The following SIRPD variants were observed in gnomAD, a reference collection of about 807,000 sequenced individuals.
The protein encoded by SIRPD is signal-regulatory protein delta.
Under a neutral mutation model 18.0 loss-of-function variants are expected in SIRPD, and 21 were observed. The ratio of observed to expected loss-of-function variants is 1.17; its 90% CI spans 0.83 to 1.68. SIRPD has a LOEUF of 1.68. Among genes scored for constraint, SIRPD ranks in the 40% most tolerant of loss-of-function variants. The pLI is 0.00. For synonymous variants in SIRPD, 106 were observed against 92.9 expected (o/e 1.14, Z -0.81); for missense variants, 295 against 238.4 (o/e 1.24, Z -1.56).
At chr20:1,547,488 C>G (rs374886833) in intron 2 of SIRPD, among the ~76,000 whole-genome samples, 1 of 152,182 alleles carries the variant, frequency 6.6e-6, no homozygotes, top group African/African-American at 2.4e-5. Flanking sequence ...AACTCCTGTC[C>G]TCAAGCGATC....
At position 1,534,418 on chromosome 20, in the gene SIRPD, G is replaced by A. The variant is rs748580957; in HGVS notation, c.*7C>T. On this transcript the variant is annotated 3_prime_UTR_variant, in exon 4 of 4. Coordinates refer to ENST00000381623, the MANE Select transcript of SIRPD (RefSeq NM_178460.3). ...TTATTTACTTGTACGTTCCTTCCCT[G>A]TTTGGATTATTTTGACAGCAAGCCT... 9 of 1,612,354 alleles carry A rather than the reference G, an allele frequency of 5.6e-6. No individual in the cohort carries two copies. Among genetic ancestry groups the A allele is most frequent in the South Asian group, 1.1e-5 (1 of 90,810 alleles).
intron 2 of SIRPD, among the ~76,000 whole-genome samples, chr20:1,551,043 AC>A (rs921919780): frequency 6.6e-4 from 100 of 152,298 alleles, no homozygotes; most frequent in African/African-American, 2.3e-3. Flanking sequence ...GGGATGTGCG[AC>A]TTTTATCATT....
chr20:1,550,403 T>A (rs1338047582), intron 2 of SIRPD, among the ~76,000 whole-genome samples: 1 of 152,150 alleles, frequency 6.6e-6, no homozygotes, highest in Admixed American at 6.5e-5. Context: ...GGTTGTAAGA[T>A]GGGGGAATGA....
intron 2 of SIRPD, among the ~76,000 whole-genome samples, chr20:1,539,216 C>T (rs2090960603): frequency 6.6e-6 from 1 of 152,080 alleles, no homozygotes; most frequent in Non-Finnish European, 1.5e-5. Flanking sequence ...TTTCTAGTAT[C>T]TGTGGTAATT....
rs1269933383 is a variant in SIRPD at position 1,551,928 on chromosome 20, C to T, written c.184G>A (p.Val62Ile). ...GGCCCTGTTCCCTTGAACCACAAGA[C>T]AGGTCCATTTGGTAAGGTATTGGGT... ...SVPNTLPNGP[V>I]LWFKGTGPNR... Residue 62 changes from valine (V) to isoleucine (I), a missense_variant, in exon 2 of 4, where the codon GTC becomes ATC. Val to Ile is a conservative substitution (Grantham distance 29). Transcript: ENST00000381623. 1 of 1,614,090 alleles carries T rather than the reference C, an allele frequency of 6.2e-7. No homozygotes were observed. The highest frequency in any genetic ancestry group is 1.1e-5 in the South Asian group (1 of 91,082).
At position 1,552,019 on chromosome 20, in the gene SIRPD, A is replaced by G. The variant is rs145271590; in HGVS notation, c.93T>C (p.His31=). 8.7e-4 allele frequency: 1,402 copies of G among 1,613,232 alleles called. 3 individuals carry two copies. Among genetic ancestry groups the G allele is most frequent in the Admixed American group, 1.2e-3 (71 of 59,958 alleles). Residue 31 remains histidine (H), a synonymous_variant, in exon 2 of 4, where the codon CAT becomes CAC. Coordinates refer to ENST00000381623, the MANE Select transcript of SIRPD (RefSeq NM_178460.3). ...LELAGVTHVF[H]VQQTEMSQTV... ...TCTGTGACATCTCCGTTTGTTGCAC[A>G]TGGAACACATGTGTGACTCCTGGAA...
chr20:1,541,041 A>T (rs897769687), intron 2 of SIRPD, among the ~76,000 whole-genome samples: 1 of 152,086 alleles, frequency 6.6e-6, no homozygotes, highest in Non-Finnish European at 1.5e-5. Flanking sequence ...CCTATCATTG[A>T]TGGGCATTTG....
chr20:1,536,641 G>A (rs2123112949), intron 3 of SIRPD, among the ~76,000 whole-genome samples: 1 of 152,242 alleles, frequency 6.6e-6, no homozygotes, highest in Admixed American at 6.5e-5. Flanking sequence ...TTTTCTAATA[G>A]TTCTACATTG....
Position 1,557,633 on chromosome 20 carries a change from T to G in SIRPD, c.21A>C (p.Pro7=). The G allele has an allele frequency of 6.2e-7, 1 of 1,606,308 alleles. No homozygotes were observed. The change falls in exon 1 of 4, where the codon CCA becomes CCC. Residue 7 remains proline (P), a synonymous_variant. Coordinates refer to ENST00000381623, the MANE Select transcript of SIRPD (RefSeq NM_178460.3). Reference sequence around the variant, plus strand: ...GTAAGGAAGGCAGAGGTGGGTGGAGTGGGGAGGCAGGGATGGGCATTGTGG... The same window carrying G: ...GTAAGGAAGGCAGAGGTGGGTGGAGGGGGGAGGCAGGGATGGGCATTGTGG... MPIPAS[P]LHPPLPSLLL...
At position 1,551,815 on chromosome 20, in the gene SIRPD, G is replaced by A; in HGVS notation, c.297C>T (p.Asp99=). ...AGATTTCACGGATGCGGGTGGAAAA[G>A]TCTGTGTTGCCAGGCTTGGTGGTGT... The part of the protein sequence containing the change: ...IGDTTKPGNT[D]FSTRIREISL... The change falls in exon 2 of 4, where the codon GAC becomes GAT. Residue 99 remains aspartate (D), a synonymous_variant. Coordinates refer to ENST00000381623, the MANE Select transcript of SIRPD (RefSeq NM_178460.3). 1 of 1,614,132 alleles carries A rather than the reference G, an allele frequency of 6.2e-7. No homozygotes were observed. Among genetic ancestry groups the A allele is most frequent in the Non-Finnish European group, 8.5e-7 (1 of 1,179,986 alleles).
In SIRPD at chr20:1,552,372, A is replaced by G. The variant is rs78510026; in HGVS notation, c.74-334T>C. Among the ~76,000 whole-genome samples, 51 of 152,116 alleles carry G rather than the reference A, an allele frequency of 3.4e-4. No homozygotes were observed. In the East Asian group the frequency reaches 7.2e-3, roughly 21 times the overall value. On this transcript the variant is annotated intron_variant, in intron 1 of 3. Coordinates refer to ENST00000381623, the MANE Select transcript of SIRPD (RefSeq NM_178460.3). ...CCTATCCATCTAATTGCCTAGAGTCACTCGGTACATTTGGAACTGGGTTCA... is the reference window on the plus strand; with the variant it reads ...CCTATCCATCTAATTGCCTAGAGTCGCTCGGTACATTTGGAACTGGGTTCA...
chr20:1,542,144 A>G (rs561390719), intron 2 of SIRPD, among the ~76,000 whole-genome samples: 1 of 152,310 alleles, frequency 6.6e-6, no homozygotes, highest in East Asian at 1.9e-4. Flanking sequence ...GTTCCATATG[A>G]AATTTAAAGT....
chr20:1,551,717 C>A lies in SIRPD; in HGVS notation c.395G>T (p.Gly132Val). 3 of 1,613,708 alleles carry A rather than the reference C, an allele frequency of 1.9e-6. No individual in the cohort carries two copies. The highest frequency in any genetic ancestry group is 2.2e-5 in the East Asian group (1 of 44,872). The stretch of plus-strand genomic sequence containing the variant: ...AGTAACAAACACCTGAGTGCCCCGA[C>A]CTGATTGGTACTCCTTGATAGCTCT... ...KGRAIKEYQS[G>V]RGTQVFVTEQ... The change falls in exon 2 of 4, where the codon GGT becomes GTT. Residue 132 changes from glycine to valine, a missense_variant. By Grantham distance (109) the Gly-to-Val change is moderately radical. Coordinates refer to ENST00000381623, the MANE Select transcript of SIRPD (RefSeq NM_178460.3).
intron 2 of SIRPD, among the ~76,000 whole-genome samples, chr20:1,538,338 A>AT (rs1307591972): frequency 6.6e-6 from 1 of 152,058 alleles, no homozygotes. Context: ...CTTGTTAAAC[A>AT]TTTTTTCTGA....
At chr20:1,551,650 A>G in intron 2 of SIRPD, 41 bp downstream of exon 2, 1 of 1,455,506 alleles carries the variant, frequency 6.9e-7, no homozygotes, top group Non-Finnish European at 9.4e-7. Context: ...CTGAGATGAT[A>G]TTATACACCA....
intron 1 of SIRPD, among the ~76,000 whole-genome samples, chr20:1,553,288 C>T (rs990726613): frequency 3.9e-5 from 6 of 152,146 alleles, no homozygotes; most frequent in African/African-American, 1.4e-4. Flanking sequence ...AGTGTGATCT[C>T]AGACTGGACT....
At chr20:1,556,913 G>A (rs184901941) in intron 1 of SIRPD, among the ~76,000 whole-genome samples, 1 of 152,232 alleles carries the variant, frequency 6.6e-6, no homozygotes. Flanking sequence ...GCCAAATGCA[G>A]TGGCAACAGA....
intron 2 of SIRPD, chr20:1,540,142 G>T (rs79682096): frequency 5.1e-5 from 18 of 350,388 alleles, no homozygotes; most frequent in Middle Eastern, 3.8e-4. Context: ...AACACAGAGA[G>T]ATTTAAAGAC....
At chr20:1,547,383 T>G (rs1263698971) in intron 2 of SIRPD, among the ~76,000 whole-genome samples, 1 of 152,192 alleles carries the variant, frequency 6.6e-6, no homozygotes, top group Non-Finnish European at 1.5e-5. Flanking sequence ...TACCACATTA[T>G]CTTGATTGAT....
Sources: allele counts gnomAD v4.1 joint callset (sites outside exome capture counted in the v4.1 genomes callset), GRCh38; gene constraint gnomAD v4.1.1; transcripts MANE v1.5; gene names NCBI Gene and HGNC (gene_info 2026-07-23, HGNC 2026-07-21).